PTPRM: variants seen among roughly 807,000 people sequenced by gnomAD.
PTPRM encodes the protein receptor-type tyrosine-protein phosphatase mu.
Under a neutral mutation model 186.7 loss-of-function variants are expected in PTPRM, and 47 were observed. That is an observed-to-expected ratio of 0.25 (90% CI 0.20 to 0.32). PTPRM has a LOEUF of 0.32. Among genes scored for constraint, PTPRM ranks in the 10% least tolerant of loss-of-function variants. PTPRM has a pLI of 1.00. For synonymous variants in PTPRM, 668 were observed against 674.9 expected (o/e 0.99, Z 0.16); for missense variants, 1,494 against 1,865.0 (o/e 0.80, Z 3.66).
intron 14 of PTPRM, among the ~76,000 whole-genome samples, chr18:8,177,461 T>C (rs547918035): frequency 1.3e-5 from 2 of 152,368 alleles, no homozygotes; most frequent in Admixed American, 6.5e-5. Flanking sequence ...GCTGGGCTGG[T>C]TACAGCAGTG....
intron 2 of PTPRM, among the ~76,000 whole-genome samples, chr18:7,859,846 C>T (rs1282367032): frequency 6.6e-6 from 1 of 152,162 alleles, no homozygotes; most frequent in Non-Finnish European, 1.5e-5. Flanking sequence ...AGTAACCAAC[C>T]TGCCCCATAT....
intron 2 of PTPRM, among the ~76,000 whole-genome samples, chr18:7,832,504 T>C (rs2045813824): frequency 6.6e-6 from 1 of 152,192 alleles, no homozygotes; most frequent in Admixed American, 6.5e-5. Context: ...GCACTTCTTA[T>C]ATATTCTGGT....
intron 1 of PTPRM, among the ~76,000 whole-genome samples, chr18:7,617,711 T>C (rs1160698811): frequency 6.6e-6 from 1 of 152,242 alleles, no homozygotes; most frequent in East Asian, 1.9e-4. Flanking sequence ...ATGTAATATA[T>C]GTGTTTCTTT....
intron 1 of PTPRM, among the ~76,000 whole-genome samples, chr18:7,640,179 A>G (rs1330942924): frequency 1.3e-5 from 2 of 152,172 alleles, no homozygotes; most frequent in Non-Finnish European, 2.9e-5. Context: ...ATATTATATA[A>G]TTTATTATGC....
chr18:7,766,118 C>T (rs1017869439), intron 1 of PTPRM, among the ~76,000 whole-genome samples: 2 of 152,156 alleles, frequency 1.3e-5, no homozygotes, highest in Non-Finnish European at 2.9e-5. Flanking sequence ...TGTTTACTTA[C>T]TTTCTAGAGC....
intron 7 of PTPRM, among the ~76,000 whole-genome samples, chr18:7,982,628 A>G (rs1029063952): frequency 6.6e-6 from 1 of 152,100 alleles, no homozygotes; most frequent in Non-Finnish European, 1.5e-5. Context: ...ATTAGCAAGT[A>G]TTAGGTACTG....
chr18:7,936,903 G>A (rs1399460079), intron 5 of PTPRM, among the ~76,000 whole-genome samples: 1 of 152,142 alleles, frequency 6.6e-6, no homozygotes, highest in African/African-American at 2.4e-5. Flanking sequence ...TCTCCTCTCT[G>A]CTGAGAGCTG....
chr18:7,747,997 T>G (rs541499531), intron 1 of PTPRM, among the ~76,000 whole-genome samples: 76 of 152,324 alleles, frequency 5.0e-4, no homozygotes, highest in African/African-American at 1.8e-3. Context: ...TTTGAGAGGC[T>G]GCACTACCCT....
intron 1 of PTPRM, among the ~76,000 whole-genome samples, chr18:7,667,665 T>G (rs1222354124): frequency 1.3e-5 from 2 of 152,224 alleles, no homozygotes; most frequent in East Asian, 3.8e-4. Flanking sequence ...TTAAACAGCT[T>G]TTCGAATAGC....
chr18:8,370,277 A>G (rs569104885), intron 23 of PTPRM, among the ~76,000 whole-genome samples: 15 of 152,336 alleles, frequency 9.8e-5, no homozygotes, highest in African/African-American at 3.6e-4. Flanking sequence ...AGGGAAATCA[A>G]ATGCCCCTTG....
At chr18:7,636,599 G>A (rs951282610) in intron 1 of PTPRM, among the ~76,000 whole-genome samples, 4 of 152,134 alleles carry the variant, frequency 2.6e-5, no homozygotes, top group African/African-American at 9.7e-5. Context: ...CAGCCTAAGG[G>A]GGAGATGAGA....
intron 7 of PTPRM, among the ~76,000 whole-genome samples, chr18:7,984,633 C>G (rs1326613376): frequency 9.9e-6 from 1 of 100,910 alleles, no homozygotes; most frequent in African/African-American, 4.1e-5. Flanking sequence ...ACACACAAAC[C>G]CCCATATATG....
At chr18:8,032,015 GA>G (rs2086007965) in intron 7 of PTPRM, among the ~76,000 whole-genome samples, 1 of 152,070 alleles carries the variant, frequency 6.6e-6, no homozygotes, top group South Asian at 2.1e-4. Flanking sequence ...TAAATTAGGG[GA>G]AAAATAATGT....
chr18:8,283,310 A>T (rs940769152), intron 19 of PTPRM, among the ~76,000 whole-genome samples: 1 of 152,256 alleles, frequency 6.6e-6, no homozygotes, highest in Non-Finnish European at 1.5e-5. Context: ...AATTATTTCA[A>T]AATAAAAAGC....
chr18:7,964,444 TTTG>T (rs541273919), intron 7 of PTPRM, among the ~76,000 whole-genome samples: 346 of 152,278 alleles, frequency 2.3e-3, no homozygotes, highest in African/African-American at 7.7e-3. Flanking sequence ...TCAGTGTTTT[TTTG>T]TTGTTGTTGT....
chr18:8,307,105 T>C (rs1712829917), intron 20 of PTPRM, among the ~76,000 whole-genome samples: 1 of 152,232 alleles, frequency 6.6e-6, no homozygotes, highest in Admixed American at 6.5e-5. Context: ...GCAGTTTCTG[T>C]GCCAAGTCAT....
chr18:8,379,283 C>T lies in PTPRM; in HGVS notation c.3729C>T (p.Pro1243=), dbSNP rs201312634. The T allele has an allele frequency of 2.3e-4, 371 of 1,614,128 alleles. No homozygotes were observed. The highest frequency in any genetic ancestry group is 3.2e-4 in the Admixed American group (19 of 60,028). The change falls in exon 28 of 33, where the codon CCC becomes CCT. Residue 1243 remains proline (P), a synonymous_variant. Transcript: ENST00000580170. ...TCCTGCCCCCAGACCGCTGCCTGCC[C>T]TTCCTCATCACCATCGATGGGGAGA... ...MDILPPDRCL[P]FLITIDGESS...
intron 1 of PTPRM, among the ~76,000 whole-genome samples, chr18:7,682,795 A>G (rs1397314021): frequency 6.6e-6 from 1 of 152,258 alleles, no homozygotes. Flanking sequence ...TTTATTTTAA[A>G]TGGGGCTCAG....
At chr18:8,374,255 G>A (rs2095681762) in intron 24 of PTPRM, among the ~76,000 whole-genome samples, 1 of 152,112 alleles carries the variant, frequency 6.6e-6, no homozygotes, top group Non-Finnish European at 1.5e-5. Context: ...CAGCACTTGA[G>A]GTTGCTGGAA....
Sources: allele counts gnomAD v4.1 joint callset (sites outside exome capture counted in the v4.1 genomes callset), GRCh38; gene constraint gnomAD v4.1.1; transcripts MANE v1.5; gene names NCBI Gene and HGNC (gene_info 2026-07-23, HGNC 2026-07-21).